Variants in NAA11 observed in about 807,000 individuals in gnomAD.
NAA11 encodes the protein N-alpha-acetyltransferase 11, NatA catalytic subunit.
NAA11 carries 15 observed loss-of-function variants against 16.1 expected under a neutral mutation model. The ratio of observed to expected loss-of-function variants is 0.93; its 90% CI spans 0.62 to 1.44. NAA11 has a LOEUF of 1.44. NAA11 is among the 40% of genes most tolerant of loss of function. NAA11 has a pLI of 0.00. For synonymous variants in NAA11, 122 were observed against 112.4 expected, an observed-to-expected ratio of 1.09 and a Z score of -0.54; for missense variants, 298 against 291.3, an observed-to-expected ratio of 1.02 and a Z score of -0.17.
downstream of NAA11, among the ~76,000 whole-genome samples, chr4:79,314,922 ACT>A (rs200275064): frequency 8.8e-3 from 1,334 of 152,212 alleles, 15 homozygotes; most frequent in Middle Eastern, 0.02. Flanking sequence ...TTTTTAACAA[ACT>A]CTATTTTTAT....
intron 2 of NAA11, among the ~76,000 whole-genome samples, chr4:79,276,171 T>C (rs1722641484): frequency 6.6e-6 from 1 of 152,130 alleles, no homozygotes; most frequent in East Asian, 1.9e-4. Flanking sequence ...GAATGACTTT[T>C]GAATCTTCTG....
the NAA11 span, among the ~76,000 whole-genome samples, chr4:79,171,773 C>T: frequency 2.6e-5 from 4 of 152,088 alleles, no homozygotes; most frequent in East Asian, 1.9e-4. Context: ...TGCCTATCTC[C>T]TTGTTCTATG....
At chr4:79,199,407 A>G in the NAA11 span, among the ~76,000 whole-genome samples, 5 of 151,864 alleles carry the variant, frequency 3.3e-5, no homozygotes, top group South Asian at 1.0e-3. Flanking sequence ...AGTTGAACAC[A>G]ATTATGTGGT....
At chr4:79,232,704 C>T (rs1721493702) in intron 2 of NAA11, among the ~76,000 whole-genome samples, 1 of 151,966 alleles carries the variant, frequency 6.6e-6, no homozygotes, top group Admixed American at 6.6e-5. Flanking sequence ...GGGATAACAT[C>T]TGTTAAAGAG....
the NAA11 span, among the ~76,000 whole-genome samples, chr4:79,220,036 C>G: frequency 6.6e-6 from 1 of 152,188 alleles, no homozygotes; most frequent in East Asian, 1.9e-4. Context: ...GCCATTGTCC[C>G]AAGAAGCCTA....
intron 1 of NAA11, among the ~76,000 whole-genome samples, chr4:79,311,202 A>G (rs1024806063): frequency 6.6e-6 from 1 of 152,218 alleles, no homozygotes; most frequent in African/African-American, 2.4e-5. Context: ...ATGTCTTTTA[A>G]TAAGAATTGT....
At chr4:79,215,953 A>G in the NAA11 span, among the ~76,000 whole-genome samples, 1 of 152,172 alleles carries the variant, frequency 6.6e-6, no homozygotes, top group Non-Finnish European at 1.5e-5. Flanking sequence ...ACTATTATTG[A>G]CTTTGGTAAA....
At chr4:79,178,556 T>G in the NAA11 span, among the ~76,000 whole-genome samples, 2 of 152,234 alleles carry the variant, frequency 1.3e-5, no homozygotes. Flanking sequence ...ATTGATGGCT[T>G]ACTATGTGCT....
downstream of NAA11, among the ~76,000 whole-genome samples, chr4:79,225,438 G>T (rs1721288530): frequency 6.6e-6 from 1 of 152,092 alleles, no homozygotes; most frequent in African/African-American, 2.4e-5. Flanking sequence ...TGAATGGCAA[G>T]TGTGGATGCA....
chr4:79,158,753 G>A, the NAA11 span, among the ~76,000 whole-genome samples: 1 of 136,220 alleles, frequency 7.3e-6, no homozygotes, highest in Admixed American at 7.8e-5. Context: ...CATGGTACTG[G>A]TATAAAAATA....
intron 1 of NAA11, among the ~76,000 whole-genome samples, chr4:79,318,794 T>C (rs1036743819): frequency 2.0e-5 from 3 of 152,228 alleles, no homozygotes; most frequent in African/African-American, 4.8e-5. Context: ...TCTCAGTAAA[T>C]ACTGCTTGAA....
the NAA11 span, among the ~76,000 whole-genome samples, chr4:79,176,292 A>G: frequency 6.6e-6 from 1 of 152,192 alleles, no homozygotes; most frequent in African/African-American, 2.4e-5. Flanking sequence ...TTAATAGATC[A>G]ATTCTTTTGT....
the NAA11 span, among the ~76,000 whole-genome samples, chr4:79,161,665 T>G: frequency 6.6e-6 from 1 of 150,740 alleles, no homozygotes; most frequent in Admixed American, 6.5e-5. Context: ...TGGGATATCT[T>G]TCCTTTTACT....
intron 2 of NAA11, among the ~76,000 whole-genome samples, chr4:79,226,895 G>A (rs1306544727): frequency 6.6e-6 from 1 of 152,078 alleles, no homozygotes; most frequent in African/African-American, 2.4e-5. Context: ...ACATACGTAT[G>A]CATGAGTCTT....
chr4:79,177,933 T>A, the NAA11 span, among the ~76,000 whole-genome samples: 18 of 152,194 alleles, frequency 1.2e-4, no homozygotes, highest in East Asian at 3.5e-3. Context: ...TGGGGAGAAT[T>A]TTATAACTTT....
chr4:79,250,702 G>A lies in NAA11; in HGVS notation c.*123-24432C>T, dbSNP rs192195428. Among the ~76,000 whole-genome samples the A allele has an allele frequency of 4.6e-4, 70 of 152,186 alleles. No individual in the cohort carries two copies. In the Middle Eastern group the frequency reaches 0.01, roughly 22 times the overall value. On this transcript the variant is annotated intron_variant and NMD_transcript_variant, in intron 2 of 2. Transcript: ENST00000511542. ...CAACAAATAGGCAACCTAAAGAATG[G>A]GAGAAAATATTTGCAAACTATGCAT...
At chr4:79,192,072 T>G in the NAA11 span, among the ~76,000 whole-genome samples, 6 of 152,216 alleles carry the variant, frequency 3.9e-5, no homozygotes, top group Admixed American at 1.3e-4. Flanking sequence ...CTATGCTGTT[T>G]TGGTTACTGT....
At chr4:79,223,411 C>T (rs1344161537), downstream of NAA11, among the ~76,000 whole-genome samples, 11 of 145,818 alleles carry the variant, frequency 7.5e-5, no homozygotes, top group East Asian at 4.1e-4. Flanking sequence ...AACCAAACAC[C>T]GCATATTCTC....
At chr4:79,161,264 C>A in the NAA11 span, among the ~76,000 whole-genome samples, 1 of 152,166 alleles carries the variant, frequency 6.6e-6, no homozygotes, top group Non-Finnish European at 1.5e-5. Flanking sequence ...CAACCTCCAC[C>A]TCCTGGGTTC....
Sources: gnomAD v4.1 joint callset for allele counts (sites outside exome capture counted in the v4.1 genomes callset) on GRCh38, gnomAD v4.1.1 for gene constraint, MANE v1.5 for transcripts, NCBI Gene and HGNC (gene_info 2026-07-23, HGNC 2026-07-21) for gene names.